The following RALGAPA1 variants were observed in gnomAD, a reference collection of about 807,000 sequenced individuals.
RALGAPA1 encodes Ral GTPase activating protein catalytic subunit alpha 1.
A neutral mutation model predicts 269.6 loss-of-function variants in RALGAPA1; 52 were observed. That is an observed-to-expected ratio of 0.19 (90% CI 0.15 to 0.24). RALGAPA1 has a LOEUF of 0.24. Among genes scored for constraint, RALGAPA1 ranks in the 10% least tolerant of loss-of-function variants. The pLI is 1.00. For synonymous variants in RALGAPA1, 817 were observed against 1,008.3 expected, an observed-to-expected ratio of 0.81 and a Z score of 3.60; for missense variants, 1,917 against 3,013.9, an observed-to-expected ratio of 0.64 and a Z score of 8.52.
intron 24 of RALGAPA1, among the ~76,000 whole-genome samples, chr14:35,673,429 G>A (rs568897503): frequency 2.6e-4 from 40 of 152,056 alleles, no homozygotes; most frequent in Admixed American, 7.9e-4. Context: ...GGTGGCACAC[G>A]CCTGTAGTAG....
intron 35 of RALGAPA1, among the ~76,000 whole-genome samples, chr14:35,609,265 G>A (rs1327082983): frequency 1.3e-5 from 2 of 151,300 alleles, no homozygotes; most frequent in Non-Finnish European, 3.0e-5. Flanking sequence ...AACAAGTCTT[G>A]ATAAATTTAA....
chr14:35,656,036 T>C (rs1410597714), intron 28 of RALGAPA1, 121 bp from the exon 29 acceptor site: 1 of 1,516,536 alleles, frequency 6.6e-7, no homozygotes, highest in South Asian at 1.3e-5. Context: ...AATTTGTTAC[T>C]CTATACATTA....
At chr14:35,679,638 T>G (rs530793312) in intron 21 of RALGAPA1, among the ~76,000 whole-genome samples, 1 of 152,370 alleles carries the variant, frequency 6.6e-6, no homozygotes, top group African/African-American at 2.4e-5. Flanking sequence ...TGAGAATTGC[T>G]TTCACACCAC....
chr14:35,781,602 CTATCT>C (rs2075434446), intron 1 of RALGAPA1, among the ~76,000 whole-genome samples: 1 of 136,710 alleles, frequency 7.3e-6, no homozygotes, highest in African/African-American at 3.1e-5. Flanking sequence ...ATCTATCTAT[CTATCT>C]ACACACACAC....
intron 35 of RALGAPA1, among the ~76,000 whole-genome samples, chr14:35,611,657 C>T (rs867526850): frequency 4.0e-5 from 6 of 151,818 alleles, no homozygotes; most frequent in Non-Finnish European, 8.8e-5. Context: ...ATCACTTGAG[C>T]CCAGGAGTTC....
chr14:35,681,451 A>G (rs1393951482), intron 21 of RALGAPA1, among the ~76,000 whole-genome samples: 1 of 152,224 alleles, frequency 6.6e-6, no homozygotes, highest in Non-Finnish European at 1.5e-5. Context: ...ACATAAAGGC[A>G]AAAGACCTAA....
At chr14:35,748,556 T>C (rs1373194620) in intron 10 of RALGAPA1, 29 bp downstream of exon 10, 1 of 1,574,116 alleles carries the variant, frequency 6.4e-7, no homozygotes, top group Admixed American at 1.9e-5. Flanking sequence ...GCCTTCCTTA[T>C]AAATTAAAAA....
chr14:35,548,932 A>T (rs1159419127), intron 40 of RALGAPA1, among the ~76,000 whole-genome samples, 178 bp downstream of exon 40: 4 of 152,120 alleles, frequency 2.6e-5, no homozygotes, highest in Non-Finnish European at 4.4e-5. Flanking sequence ...TTTTTAAGGA[A>T]CTGCATTTAG....
At chr14:35,728,338 C>T in intron 13 of RALGAPA1, 24 bp downstream of exon 13, 1 of 1,534,078 alleles carries the variant, frequency 6.5e-7, no homozygotes, top group Non-Finnish European at 8.7e-7. Flanking sequence ...AACACATAGA[C>T]ATAAAGGATA....
rs374428578 is a variant in RALGAPA1, at chr14:35,572,610, A to G, written c.7318T>C (p.Tyr2440His). The stretch of plus-strand genomic sequence containing the variant: ...CTGAACATGTGATTTTTCATTGGAT[A>G]TATTACAATAAGGACATCACCAAAT... ...TEFGDVLIVI[Y>H]PMKNHMFSIQ... The change falls in exon 38 of 42, where the codon TAT becomes CAT. Residue 2440 changes from tyrosine (Y) to histidine (H), a missense_variant. Tyr to His is a moderately conservative substitution (Grantham distance 83, BLOSUM62 2). Around this residue, in one of 11 missense-constraint regions of RALGAPA1, gnomAD observed 91 missense variants for 130.9 expected, o/e 0.70. Transcript: ENST00000680220. 10 of 1,609,936 alleles carry G rather than the reference A, an allele frequency of 6.2e-6. No homozygotes were observed. Among genetic ancestry groups the G allele is most frequent in the African/African-American group, 4.0e-5 (3 of 74,798 alleles).
chr14:35,792,459 G>A (rs533698725), intron 1 of RALGAPA1, among the ~76,000 whole-genome samples: 2 of 152,102 alleles, frequency 1.3e-5, no homozygotes, highest in African/African-American at 4.8e-5. Flanking sequence ...GCCAGCTAGT[G>A]ACAAGCTCTT....
intron 21 of RALGAPA1, 98 bp from the exon 22 acceptor site, chr14:35,678,200 A>G: frequency 8.5e-7 from 1 of 1,175,922 alleles, no homozygotes; most frequent in Non-Finnish European, 1.2e-6. Flanking sequence ...TTTAAACACC[A>G]AAAGATAAAA....
chr14:35,698,559 C>T (rs915106929), intron 17 of RALGAPA1, among the ~76,000 whole-genome samples: 6 of 151,414 alleles, frequency 4.0e-5, no homozygotes, highest in African/African-American at 7.3e-5. Context: ...ATTCTGTACT[C>T]GATATAAATA....
intron 37 of RALGAPA1, among the ~76,000 whole-genome samples, chr14:35,593,178 C>A (rs985707780): frequency 6.6e-6 from 1 of 151,922 alleles, no homozygotes; most frequent in African/African-American, 2.4e-5. Context: ...AATCAACATA[C>A]AAAAATTGCT....
At chr14:35,643,897 G>A (rs1025072774) in intron 31 of RALGAPA1, among the ~76,000 whole-genome samples, 1 of 152,126 alleles carries the variant, frequency 6.6e-6, no homozygotes, top group Non-Finnish European at 1.5e-5. Flanking sequence ...GAAGGGCAGT[G>A]GGGAGTATGG....
rs369238925 is a variant in RALGAPA1 at position 35,625,396 on chromosome 14, T to C, written c.6894A>G (p.Leu2298=). 2.5e-6 allele frequency: 4 copies of C among 1,610,928 alleles called. No homozygotes were observed. The highest frequency in any genetic ancestry group is 1.3e-5 in the African/African-American group (1 of 74,866). ...SFHLLKKNEK[L]LRELRNLDSR... ...AATCCAAGTTCCTAAGTTCTCTAAG[T>C]AGCTTTTCATTTTTCTTCAGGAGAT... The change falls in exon 35 of 42, where the codon CTA becomes CTG. Residue 2298 remains leucine, a synonymous_variant. Transcript: ENST00000680220.
At chr14:35,693,537 G>A (rs2066665644) in intron 17 of RALGAPA1, among the ~76,000 whole-genome samples, 2 of 151,696 alleles carry the variant, frequency 1.3e-5, no homozygotes, top group Admixed American at 6.6e-5. Context: ...TCTCCCAGAG[G>A]AAGAGAAGAA....
At chr14:35,546,504 A>T (rs1441554517) in intron 41 of RALGAPA1, among the ~76,000 whole-genome samples, 1 of 151,742 alleles carries the variant, frequency 6.6e-6, no homozygotes, top group Non-Finnish European at 1.5e-5. Flanking sequence ...ATTCCACTGA[A>T]TATAATTATG....
chr14:35,603,340 T>G (rs2059405229), intron 36 of RALGAPA1, among the ~76,000 whole-genome samples: 1 of 152,156 alleles, frequency 6.6e-6, no homozygotes, highest in African/African-American at 2.4e-5. Context: ...TCAAAGCATT[T>G]TCACATACAT....
Sources: gnomAD v4.1 joint callset for allele counts (sites outside exome capture counted in the v4.1 genomes callset) on GRCh38, gnomAD v4.1.1 for gene constraint, gnomAD v4.1.1 regional missense constraint, MANE v1.5 for transcripts, NCBI Gene and HGNC (gene_info 2026-07-23, HGNC 2026-07-21) for gene names.